Variants in DGKE observed in about 807,000 individuals in gnomAD.
The protein encoded by DGKE is diacylglycerol kinase epsilon.
Under a neutral mutation model 70.0 loss-of-function variants are expected in DGKE, and 53 were observed. The ratio of observed to expected loss-of-function variants is 0.76; its 90% CI spans 0.61 to 0.95. DGKE has a LOEUF of 0.95. DGKE is among the 40% of genes least tolerant of loss of function. The probability of loss-of-function intolerance (pLI) is 0.00; values close to 1 mark genes in which losing one functional copy is unlikely to be tolerated. For synonymous variants in DGKE, 291 were observed against 257.0 expected (o/e 1.13, Z -1.27); for missense variants, 655 against 706.9 (o/e 0.93, Z 0.83).
Position 56,834,895 on chromosome 17 carries a change from G to A in DGKE, c.100G>A (p.Val34Met). Residue 34 changes from valine (V) to methionine (M), a missense_variant, in exon 2 of 12, where the codon GTG (valine) becomes ATG (methionine). Transcript: ENST00000284061. ...GACGCTGTGCTCGGTCCTGCTGCCGGTGTTCATCACCTTCTGGTGTAGCCT... is the reference window on the plus strand; with the variant it reads ...GACGCTGTGCTCGGTCCTGCTGCCGATGTTCATCACCTTCTGGTGTAGCCT... The part of the protein sequence containing the change: ...LWTLCSVLLP[V>M]FITFWCSLQR... The A allele has an allele frequency of 6.2e-7, 1 of 1,613,768 alleles. No homozygotes were observed. The highest frequency in any genetic ancestry group is 8.5e-7 in the Non-Finnish European group (1 of 1,179,964).
rs1908335323 is a variant in DGKE at position 56,862,210 on chromosome 17, C to T, written c.1483C>T (p.Leu495=). 1.2e-6 allele frequency: 2 copies of T among 1,614,156 alleles called. No homozygotes were observed. Among genetic ancestry groups the T allele is most frequent in the Non-Finnish European group, 1.7e-6 (2 of 1,180,018 alleles). Residue 495 remains leucine (L), a synonymous_variant, in exon 11 of 12, where the codon CTG becomes TTG. Transcript: ENST00000284061. ...CCACTGTGCTCAGATTCAAGTAAAA[C>T]TGGCTAATCCTTTTCGAATAGGACA... ...SFHCAQIQVK[L]ANPFRIGQAH...
rs1199862404 is a variant in DGKE at position 56,849,165 on chromosome 17, A to G, written c.1047-16A>G. ...TATTGTAAAACGTGCTGTTTTTTTT[A>G]ACTTCTGTTTTTTAGATGGAAAGTT... On this transcript the variant is annotated splice_polypyrimidine_tract_variant and intron_variant, in intron 6 of 11. Coordinates refer to ENST00000284061, the MANE Select transcript of DGKE (RefSeq NM_003647.3). 6.2e-7 allele frequency: 1 copy of G among 1,602,714 alleles called. No individual in the cohort carries two copies. The highest frequency in any genetic ancestry group is 8.5e-7 in the Non-Finnish European group (1 of 1,174,882).
At chr17:56,843,814 A>AAAAAAAG in intron 2 of DGKE, among the ~76,000 whole-genome samples, 1 of 151,382 alleles carries the variant, frequency 6.6e-6, no homozygotes. Context: ...AAAAAAAAAA[A>AAAAAAAG]GTGCTGTTAG....
intron 3 of DGKE, 54 bp from the exon 4 acceptor site, chr17:56,845,634 ATG>A (rs1179339169): frequency 6.5e-7 from 1 of 1,542,756 alleles, no homozygotes; most frequent in East Asian, 2.4e-5. Flanking sequence ...GGCATGGAAA[ATG>A]TGCTTTTCAT....
rs1257674624 is a variant in DGKE at position 56,847,981 on chromosome 17, A to G, written c.804A>G (p.Pro268=). The stretch of plus-strand genomic sequence containing the variant: ...CCCTACAACTCTGTACTCTTCTCCC[A>G]TATTATTCAGCTCGAGTACTTGTTT... ...IKALQLCTLL[P]YYSARVLVCG... Residue 268 remains proline (P), a synonymous_variant, in exon 5 of 12, where the codon CCA becomes CCG. Transcript: ENST00000284061. The G allele has an allele frequency of 2.5e-6, 4 of 1,609,918 alleles. No individual in the cohort carries two copies. Among genetic ancestry groups the G allele is most frequent in the East Asian group, 2.2e-5 (1 of 44,708 alleles).
At position 56,861,810 on chromosome 17, in the gene DGKE, G is replaced by A. The variant is rs887079494; in HGVS notation, c.1304G>A (p.Arg435Gln). Residue 435 changes from arginine (R) to glutamine (Q), a missense_variant, in exon 10 of 12, where the codon CGA becomes CAA. Transcript: ENST00000284061. ...KKVELELDGERVALPSLEGII... is the reference protein window; with the variant it reads ...KKVELELDGEQVALPSLEGII... ...TTAAAGCTAGAACTGGATGGTGAGC[G>A]AGTAGCACTGCCCAGCTTGGAAGGT... The A allele has an allele frequency of 5.0e-6, 8 of 1,613,296 alleles. No individual in the cohort carries two copies. The highest frequency in any genetic ancestry group is 2.2e-5 in the East Asian group (1 of 44,880).
rs771018471 is a variant in DGKE at position 56,861,751 on chromosome 17, G to T, written c.1285-40G>T. On this transcript the variant is annotated intron_variant, in intron 9 of 11. Coordinates refer to ENST00000284061, the MANE Select transcript of DGKE (RefSeq NM_003647.3). Reference sequence around the variant, plus strand: ...TTCTAAATGGATGTGTGTGGAAATTGTGTATCCTGTAGTCACTATCTATTT... The same window carrying T: ...TTCTAAATGGATGTGTGTGGAAATTTTGTATCCTGTAGTCACTATCTATTT... The T allele has an allele frequency of 2.5e-6, 4 of 1,600,824 alleles. No homozygotes were observed. The African/African-American group carries it at 4.0e-5, about 16-fold the overall frequency.
chr17:56,848,007 G>T lies in DGKE; in HGVS notation c.830G>T (p.Cys277Phe). 1 of 1,610,002 alleles carries T rather than the reference G, an allele frequency of 6.2e-7. No individual in the cohort carries two copies. Among genetic ancestry groups the T allele is most frequent in the Admixed American group, 1.7e-5 (1 of 59,730 alleles). The change falls in exon 5 of 12, where the codon TGT (cysteine) becomes TTT (phenylalanine). Residue 277 changes from cysteine to phenylalanine, a missense_variant. Cys to Phe is a radical substitution (Grantham distance 205). Coordinates refer to ENST00000284061, the MANE Select transcript of DGKE (RefSeq NM_003647.3). ...LPYYSARVLV[C>F]GGDGTVGWVL... Reference sequence around the variant, plus strand: ...TATTATTCAGCTCGAGTACTTGTTTGTGGAGGGGATGGGACTGTAGGGTGG... The same window carrying T: ...TATTATTCAGCTCGAGTACTTGTTTTTGGAGGGGATGGGACTGTAGGGTGG...
chr17:56,851,053 A>C (rs1205184880), intron 7 of DGKE, among the ~76,000 whole-genome samples: 1 of 152,174 alleles, frequency 6.6e-6, no homozygotes, highest in African/African-American at 2.4e-5. Context: ...AATAATACAG[A>C]GAGAGTAGAT....
intron 3 of DGKE, among the ~76,000 whole-genome samples, 159 bp downstream of exon 3, chr17:56,844,337 G>C (rs758112238): frequency 6.6e-6 from 1 of 152,146 alleles, no homozygotes; most frequent in African/African-American, 2.4e-5. Context: ...ATGCTATTAT[G>C]GTAAGCCATA....
intron 9 of DGKE, among the ~76,000 whole-genome samples, chr17:56,859,244 G>C (rs780974453): frequency 1.3e-5 from 2 of 151,508 alleles, no homozygotes; most frequent in Non-Finnish European, 2.9e-5. Flanking sequence ...AGAATGGCGT[G>C]GACCCGGGAG....
At position 56,866,044 on chromosome 17, in the gene DGKE, A is replaced by G. The variant is rs1051888826; in HGVS notation, c.*3253A>G. On this transcript the variant is annotated 3_prime_UTR_variant, in exon 12 of 12. Transcript: ENST00000284061. ...TCTACCCAGTTGAGGACAGTGGAATATAAGTAGATATATTTAAAATATCTA... is the reference window on the plus strand; with the variant it reads ...TCTACCCAGTTGAGGACAGTGGAATGTAAGTAGATATATTTAAAATATCTA... 1 of 152,216 alleles carries G rather than the reference A, an allele frequency of 6.6e-6. No individual in the cohort carries two copies. Among genetic ancestry groups the G allele is most frequent in the Non-Finnish European group, 1.5e-5 (1 of 68,040 alleles). 9.4% of individuals were successfully genotyped at this position (152,216 alleles called of 1,614,324 possible).
At position 56,835,198 on chromosome 17, in the gene DGKE, T is replaced by C. The variant is rs757444386; in HGVS notation, c.403T>C (p.Cys135Arg). 4.3e-6 allele frequency: 7 copies of C among 1,613,910 alleles called. No individual in the cohort carries two copies. The African/African-American group carries it at 9.3e-5, about 22-fold the overall frequency. The part of the protein sequence containing the change: ...HHWIRGNVPL[C>R]SYCMVCKQQC... ...CTGGATCCGGGGCAACGTGCCCCTG[T>C]GCAGTTACTGTATGGTTTGCAAGCA... is the stretch of plus-strand genomic sequence containing the variant. Residue 135 changes from cysteine (C) to arginine (R), a missense_variant, in exon 2 of 12, where the codon TGC becomes CGC. By Grantham distance (180) the Cys-to-Arg change is radical (BLOSUM62 -3). Transcript: ENST00000284061.
chr17:56,858,648 T>C lies in DGKE; in HGVS notation c.1267T>C (p.Leu423=). ...TTGTTTAGTGCAAGAATGTAAAGAT[T>C]TGAATAAAAAAGTTGAGGTAAGCTA... ...KDCLVQECKD[L]NKKVELELDG... The change falls in exon 9 of 12, where the codon TTG becomes CTG. Residue 423 remains leucine (L), a synonymous_variant. Coordinates refer to ENST00000284061, the MANE Select transcript of DGKE (RefSeq NM_003647.3). 6.2e-7 allele frequency: 1 copy of C among 1,605,060 alleles called. No individual in the cohort carries two copies. Among genetic ancestry groups the C allele is most frequent in the Non-Finnish European group, 8.5e-7 (1 of 1,176,910 alleles).
Position 56,848,682 on chromosome 17 carries a change from C to G in DGKE, c.889-14C>G. 1 of 1,609,752 alleles carries G rather than the reference C, an allele frequency of 6.2e-7. No individual in the cohort carries two copies. The highest frequency in any genetic ancestry group is 8.5e-7 in the Non-Finnish European group (1 of 1,177,618). ...TCTGAGAGAAAAATCTAAAACATAT[C>G]TTCCATATTCTAGGGACAAGAAAAG... On this transcript the variant is annotated splice_polypyrimidine_tract_variant and intron_variant, in intron 5 of 11. Coordinates refer to ENST00000284061, the MANE Select transcript of DGKE (RefSeq NM_003647.3).
At chr17:56,842,446 A>G (rs1333778420) in intron 2 of DGKE, among the ~76,000 whole-genome samples, 1 of 152,202 alleles carries the variant, frequency 6.6e-6, no homozygotes, top group Non-Finnish European at 1.5e-5. Flanking sequence ...ATTGCTTTTG[A>G]TGGTGATATA....
chr17:56,852,666 T>C (rs1352601818), intron 7 of DGKE, among the ~76,000 whole-genome samples: 1 of 152,180 alleles, frequency 6.6e-6, no homozygotes, highest in African/African-American at 2.4e-5. Flanking sequence ...TTTAAAATGG[T>C]TCCTGTGCTT....
intron 2 of DGKE, chr17:56,836,280 T>G (rs918286265): frequency 6.6e-6 from 1 of 152,226 alleles, no homozygotes; most frequent in African/African-American, 2.4e-5. Flanking sequence ...TTTTTAAGTC[T>G]TATTTTAAAT....
intron 3 of DGKE, among the ~76,000 whole-genome samples, chr17:56,845,299 A>T (rs1907215014): frequency 6.6e-6 from 1 of 152,166 alleles, no homozygotes; most frequent in Non-Finnish European, 1.5e-5. Flanking sequence ...GTGAAAGGTC[A>T]GAGAAAAAAA....
Sources: allele counts gnomAD v4.1 joint callset (sites outside exome capture counted in the v4.1 genomes callset), GRCh38; gene constraint gnomAD v4.1.1; transcripts MANE v1.5; gene names NCBI Gene and HGNC (gene_info 2026-07-23, HGNC 2026-07-21).